Variants in MTARC2 observed in about 807,000 individuals in gnomAD.
MTARC2 encodes the protein mitochondrial amidoxime reducing component 2, also known as MOCO sulphurase C-terminal domain containing 2.
MTARC2 carries 27 observed loss-of-function variants against 35.6 expected under a neutral mutation model. The observed-to-expected ratio is 0.76, with a 90% CI of 0.56 to 1.04. The LOEUF is 1.04. Ranked by LOEUF, MTARC2 falls within the 50% of genes least tolerant of loss-of-function variation. The pLI, the probability that MTARC2 is intolerant of heterozygous loss-of-function variation, is 0.00. For missense variants in MTARC2, 412 were observed against 432.5 expected (o/e 0.95, Z 0.42); for synonymous variants, 158 against 167.1 (o/e 0.95, Z 0.42).
Position 220,780,252 on chromosome 1 carries a change from C to T in MTARC2, c.884+13C>T. 6.2e-7 allele frequency: 1 copy of T among 1,604,394 alleles called. No homozygotes were observed. Among genetic ancestry groups the T allele is most frequent in the South Asian group, 1.1e-5 (1 of 90,094 alleles). ...ACACCCTGAAGAGGTAGAATACCACCACAGCCAGTGTATTTTAAATATTAT... is the reference window on the plus strand; with the variant it reads ...ACACCCTGAAGAGGTAGAATACCACTACAGCCAGTGTATTTTAAATATTAT... On this transcript the variant is annotated intron_variant, in intron 6 of 7. Coordinates refer to ENST00000366913, the MANE Select transcript of MTARC2 (RefSeq NM_017898.5).
chr1:220,763,799 C>T (rs1044626104), intron 4 of MTARC2, among the ~76,000 whole-genome samples: 9 of 152,170 alleles, frequency 5.9e-5, no homozygotes, highest in Admixed American at 4.6e-4. Flanking sequence ...ATAATCATTT[C>T]AGATAAATTA....
At chr1:220,767,462 G>A (rs1424026249) in intron 4 of MTARC2, among the ~76,000 whole-genome samples, 3 of 152,146 alleles carry the variant, frequency 2.0e-5, no homozygotes, top group Admixed American at 6.5e-5. Flanking sequence ...TACTTTGTCC[G>A]TGTAGCTCAG....
intron 4 of MTARC2, among the ~76,000 whole-genome samples, chr1:220,776,524 C>A (rs1001942663): frequency 3.3e-5 from 5 of 151,690 alleles, no homozygotes; most frequent in East Asian, 1.9e-4. Flanking sequence ...TGCTTTACAC[C>A]AAAATGCTGA....
intron 4 of MTARC2, 83 bp downstream of exon 4, chr1:220,763,133 C>T (rs749141858): frequency 6.3e-6 from 10 of 1,579,088 alleles, no homozygotes; most frequent in Admixed American, 1.7e-5. Flanking sequence ...CCAGAGCCAA[C>T]TCAGATCCGC....
chr1:220,751,287 C>G (rs2172700), intron 1 of MTARC2, among the ~76,000 whole-genome samples: 8,352 of 152,128 alleles, frequency 0.055, 338 homozygotes, highest in East Asian at 0.2. Context: ...GCTTGAGCAC[C>G]CTAAGCATTG....
At chr1:220,765,576 G>GT (rs1011360403) in intron 4 of MTARC2, among the ~76,000 whole-genome samples, 4 of 152,082 alleles carry the variant, frequency 2.6e-5, no homozygotes, top group African/African-American at 9.7e-5. Context: ...GAGAGTCTTT[G>GT]TTTTTTTCTT....
intron 4 of MTARC2, among the ~76,000 whole-genome samples, chr1:220,771,003 A>G (rs1281665353): frequency 6.6e-6 from 1 of 152,192 alleles, no homozygotes; most frequent in Non-Finnish European, 1.5e-5. Flanking sequence ...CAGCTTCTAA[A>G]AAAGCCTTAG....
chr1:220,782,127 C>T (rs1672090916), intron 7 of MTARC2, among the ~76,000 whole-genome samples, 195 bp downstream of exon 7: 1 of 152,184 alleles, frequency 6.6e-6, no homozygotes, highest in South Asian at 2.1e-4. Flanking sequence ...CAGCCTTCTC[C>T]ACCCCTATTT....
chr1:220,764,557 CAGG>C (rs1671530291), intron 4 of MTARC2, among the ~76,000 whole-genome samples: 1 of 152,062 alleles, frequency 6.6e-6, no homozygotes, highest in South Asian at 2.1e-4. Flanking sequence ...GAGGCCGAAG[CAGG>C]AGGATTGCTT....
At chr1:220,757,830 C>T (rs997933640) in intron 2 of MTARC2, among the ~76,000 whole-genome samples, 9 of 152,080 alleles carry the variant, frequency 5.9e-5, no homozygotes, top group Non-Finnish European at 1.2e-4. Context: ...AGATGGTAAG[C>T]GACAGAGTGA....
chr1:220,770,020 T>C (rs1425857614), intron 4 of MTARC2, among the ~76,000 whole-genome samples: 1 of 148,558 alleles, frequency 6.7e-6, no homozygotes, highest in Non-Finnish European at 1.5e-5. Context: ...GGCAGGAGAA[T>C]GGCGTGAACC....
At chr1:220,775,762 C>A (rs116548859) in intron 4 of MTARC2, among the ~76,000 whole-genome samples, 3,603 of 152,234 alleles carry the variant, frequency 0.024, 109 homozygotes, top group African/African-American at 0.064. Flanking sequence ...TCTACTTATA[C>A]ATTAGAACAT....
In MTARC2 at chr1:220,756,449, G is replaced by A. The variant is rs561946612; in HGVS notation, c.446+1329G>A. The A allele has an allele frequency of 5.9e-5, 9 of 152,346 alleles. 1 individual carries two copies. In the South Asian group the frequency reaches 1.4e-3, roughly 25 times the overall value. 9.4% of individuals were successfully genotyped at this position (152,346 alleles called of 1,614,324 possible). A position where few individuals can be genotyped will look rare whatever the true frequency, so the allele number is the denominator to read the frequency against. On this transcript the variant is annotated intron_variant, in intron 2 of 7. Transcript: ENST00000366913. ...TAATTATCTTAGCAAGCCCATGAGG[G>A]GGTCATTAATTCCACTTTACAAACG... is the stretch of plus-strand genomic sequence containing the variant.
chr1:220,769,927 A>G (rs1671692330), intron 4 of MTARC2, among the ~76,000 whole-genome samples: 2 of 127,596 alleles, frequency 1.6e-5, no homozygotes, highest in Non-Finnish European at 3.2e-5. Flanking sequence ...CATCTCTACT[A>G]AAAATACAAA....
intron 1 of MTARC2, among the ~76,000 whole-genome samples, chr1:220,753,525 G>T (rs1396051441): frequency 2.0e-5 from 3 of 152,158 alleles, no homozygotes; most frequent in African/African-American, 7.2e-5. Flanking sequence ...CAGAGACGGA[G>T]CTCCCTGTGC....
chr1:220,768,522 C>T (rs546200408), intron 4 of MTARC2, among the ~76,000 whole-genome samples: 1 of 152,252 alleles, frequency 6.6e-6, no homozygotes, highest in East Asian at 1.9e-4. Context: ...TGCACTGTGG[C>T]TGGCCGTCAA....
intron 4 of MTARC2, among the ~76,000 whole-genome samples, chr1:220,763,779 A>T (rs1241300106): frequency 6.6e-6 from 1 of 152,226 alleles, no homozygotes; most frequent in African/African-American, 2.4e-5. Flanking sequence ...GGTGCTAGGC[A>T]TTGAGCTAAA....
At chr1:220,756,952 G>A (rs1671296140) in intron 2 of MTARC2, among the ~76,000 whole-genome samples, 1 of 152,140 alleles carries the variant, frequency 6.6e-6, no homozygotes, top group African/African-American at 2.4e-5. Flanking sequence ...GCCCAGCCTG[G>A]AGTGCAATGG....
At chr1:220,754,255 T>G in intron 1 of MTARC2, 1 of 453,120 alleles carries the variant, frequency 2.2e-6, no homozygotes, top group South Asian at 1.6e-5. Context: ...CTTCAGCTCA[T>G]CCCATAGAAA....
Sources: allele counts gnomAD v4.1 joint callset (sites outside exome capture counted in the v4.1 genomes callset), GRCh38; gene constraint gnomAD v4.1.1; transcripts MANE v1.5; gene names NCBI Gene and HGNC (gene_info 2026-07-23, HGNC 2026-07-21).